Variants in CSMD1 observed in about 807,000 individuals in gnomAD.
CSMD1 encodes CUB and Sushi multiple domains 1.
Under a neutral mutation model 417.5 loss-of-function variants are expected in CSMD1, and 213 were observed. That is an observed-to-expected ratio of 0.51 (90% CI 0.46 to 0.57). CSMD1 has a LOEUF of 0.57. Among genes scored for constraint, CSMD1 ranks in the 20% least tolerant of loss-of-function variants. The pLI is 0.00. For missense variants in CSMD1, 6,923 were observed against 4,529.7 expected (o/e 1.53, Z -15.17); for synonymous variants, 2,862 against 1,736.8 (o/e 1.65, Z -16.11).
intron 5 of CSMD1, among the ~76,000 whole-genome samples, chr8:3,959,677 A>G (rs1213978561): frequency 1.3e-5 from 2 of 152,214 alleles, no homozygotes; most frequent in Non-Finnish European, 2.9e-5. Context: ...ATGTCCTAGT[A>G]CAGCAGGTAA....
chr8:2,986,636 G>C (rs1243964127), intron 54 of CSMD1, among the ~76,000 whole-genome samples: 2 of 151,840 alleles, frequency 1.3e-5, no homozygotes, highest in Admixed American at 6.6e-5. Context: ...TCCCGAGTAG[G>C]TGGGACTACA....
intron 26 of CSMD1, among the ~76,000 whole-genome samples, chr8:3,263,381 G>C (rs910744747): frequency 6.6e-6 from 1 of 152,202 alleles, no homozygotes; most frequent in South Asian, 2.1e-4. Flanking sequence ...TTACAGGCAT[G>C]AGCCACCGTG....
chr8:3,168,631 T>TCA lies in CSMD1; in HGVS notation c.5726-6356_5726-6355dup, dbSNP rs59927132. On this transcript the variant is annotated intron_variant, in intron 37 of 69. Transcript: ENST00000635120. ...TGTGTAAGGAGTCAGTAAGTCTTCA[T>TCA]CACACACACACACACACACACAAAT... 2.9e-3 allele frequency among the ~76,000 whole-genome samples: 431 copies of TCA among 148,906 alleles called. 6 individuals are homozygous for TCA. The highest frequency in any genetic ancestry group is 5.2e-3 in the Admixed American group (77 of 14,898).
At chr8:3,049,210 C>T (rs1254764440) in intron 50 of CSMD1, among the ~76,000 whole-genome samples, 1 of 152,166 alleles carries the variant, frequency 6.6e-6, no homozygotes, top group South Asian at 2.1e-4. Context: ...TTACCATTCA[C>T]TCTATCAATC....
chr8:3,613,983 T>C (rs1309576435), intron 8 of CSMD1, among the ~76,000 whole-genome samples: 2 of 151,860 alleles, frequency 1.3e-5, no homozygotes, highest in Non-Finnish European at 2.9e-5. Context: ...ATCCTTTTAT[T>C]TGTAGATAAC....
chr8:4,006,667 T>C (rs1417274914), intron 4 of CSMD1, among the ~76,000 whole-genome samples: 1 of 152,234 alleles, frequency 6.6e-6, no homozygotes, highest in Non-Finnish European at 1.5e-5. Flanking sequence ...TATGTCCTTT[T>C]CCTTTTAATC....
chr8:3,921,618 G>T (rs2688296), intron 5 of CSMD1, among the ~76,000 whole-genome samples: 1 of 151,660 alleles, frequency 6.6e-6, no homozygotes, highest in South Asian at 2.1e-4. Context: ...TCTATTTTTG[G>T]ATTTCCCTTT....
chr8:3,682,264 A>G (rs998968300), intron 7 of CSMD1, among the ~76,000 whole-genome samples: 2 of 152,108 alleles, frequency 1.3e-5, no homozygotes, highest in Admixed American at 6.5e-5. Context: ...AACCTAAAAA[A>G]TGGGATAAAA....
rs534997319 is a variant in CSMD1 at position 4,569,363 on chromosome 8, G to A, written c.302+67979C>T. Among the ~76,000 whole-genome samples, 608 of 152,210 alleles carry A rather than the reference G, an allele frequency of 4.0e-3. 4 individuals are homozygous for A. Among genetic ancestry groups the A allele is most frequent in the African/African-American group, 0.014 (576 of 41,542 alleles). On this transcript the variant is annotated intron_variant, in intron 2 of 69. Coordinates refer to ENST00000635120, the MANE Select transcript of CSMD1 (RefSeq NM_033225.6). ...ATCCAGTTACAGTTTTCTGCATATG[G>A]CTAGTCAGCTTTCCCAACACCATGT... is the stretch of plus-strand genomic sequence containing the variant.
intron 68 of CSMD1, among the ~76,000 whole-genome samples, chr8:2,946,009 G>A (rs1802207783): frequency 6.6e-6 from 1 of 152,126 alleles, no homozygotes; most frequent in African/African-American, 2.4e-5. Flanking sequence ...CAATTTTGCG[G>A]CTGTGTGAGC....
At chr8:3,133,643 C>G (rs916312956) in intron 41 of CSMD1, among the ~76,000 whole-genome samples, 2 of 152,012 alleles carry the variant, frequency 1.3e-5, no homozygotes, top group Non-Finnish European at 2.9e-5. Context: ...GAGCTTAGCT[C>G]TGGGAAGGGG....
At chr8:4,417,651 T>C (rs1347906748) in intron 3 of CSMD1, among the ~76,000 whole-genome samples, 1 of 151,982 alleles carries the variant, frequency 6.6e-6, no homozygotes, top group African/African-American at 2.4e-5. Flanking sequence ...GTGGGTCAAA[T>C]AACAGGATCC....
At chr8:4,893,824 C>A (rs1267066289) in intron 1 of CSMD1, among the ~76,000 whole-genome samples, 1 of 152,100 alleles carries the variant, frequency 6.6e-6, no homozygotes, top group Non-Finnish European at 1.5e-5. Flanking sequence ...ATGTTGATAT[C>A]TGGAACGGTG....
chr8:3,822,436 G>A (rs1377451211), intron 5 of CSMD1, among the ~76,000 whole-genome samples: 3 of 152,140 alleles, frequency 2.0e-5, no homozygotes, highest in Non-Finnish European at 4.4e-5. Context: ...TCTAGAAAAA[G>A]AACAATGCCA....
intron 3 of CSMD1, among the ~76,000 whole-genome samples, chr8:4,081,422 T>A (rs976668093): frequency 6.6e-6 from 1 of 152,102 alleles, no homozygotes; most frequent in Non-Finnish European, 1.5e-5. Context: ...TTCCTCCTTT[T>A]TGCCTTGGAT....
At chr8:4,349,622 GA>G (rs1563081236) in intron 3 of CSMD1, among the ~76,000 whole-genome samples, 1 of 152,066 alleles carries the variant, frequency 6.6e-6, no homozygotes, top group Non-Finnish European at 1.5e-5. Flanking sequence ...ACGTCTCCCT[GA>G]AATTTCACAA....
At chr8:3,982,923 T>C (rs1813994800) in intron 5 of CSMD1, among the ~76,000 whole-genome samples, 1 of 152,106 alleles carries the variant, frequency 6.6e-6, no homozygotes, top group Non-Finnish European at 1.5e-5. Flanking sequence ...AAAATAGATA[T>C]TGTTATATGC....
At chr8:4,955,260 C>G (rs961776142) in intron 1 of CSMD1, among the ~76,000 whole-genome samples, 2 of 152,062 alleles carry the variant, frequency 1.3e-5, no homozygotes, top group Non-Finnish European at 2.9e-5. Context: ...ACACAGTCAT[C>G]CTTAAAAACC....
intron 68 of CSMD1, among the ~76,000 whole-genome samples, chr8:2,947,832 C>T (rs375697671): frequency 1.3e-5 from 2 of 152,066 alleles, no homozygotes; most frequent in East Asian, 1.9e-4. Flanking sequence ...CCCAATTTAA[C>T]ATATAATCTC....
Sources: allele counts gnomAD v4.1 joint callset (sites outside exome capture counted in the v4.1 genomes callset), GRCh38; gene constraint gnomAD v4.1.1; transcripts MANE v1.5; gene names NCBI Gene and HGNC (gene_info 2026-07-23, HGNC 2026-07-21).